Variants in ASIC2 observed in about 807,000 individuals in gnomAD.
The protein encoded by ASIC2 is acid-sensing ion channel 2.
A neutral mutation model predicts 57.3 loss-of-function variants in ASIC2; 25 were observed. That is an observed-to-expected ratio of 0.44 (90% CI 0.32 to 0.61). The LOEUF (loss-of-function observed/expected upper bound fraction) is 0.61, where lower values mean the gene tolerates loss of function less well. Among genes scored for constraint, ASIC2 ranks in the 20% least tolerant of loss-of-function variants. The probability of loss-of-function intolerance (pLI) is 0.06; values close to 1 mark genes in which losing one functional copy is unlikely to be tolerated. For missense variants in ASIC2, 641 were observed against 738.1 expected (o/e 0.87, Z 1.52); for synonymous variants, 319 against 307.5 (o/e 1.04, Z -0.39).
At chr17:33,078,198 G>A (rs973964277) in intron 3 of ASIC2, among the ~76,000 whole-genome samples, 3 of 152,052 alleles carry the variant, frequency 2.0e-5, no homozygotes, top group Non-Finnish European at 4.4e-5. Flanking sequence ...ATAAGCCACC[G>A]AGAGATAAGC....
At chr17:33,853,018 C>A (rs895800898) in intron 1 of ASIC2, among the ~76,000 whole-genome samples, 1 of 152,234 alleles carries the variant, frequency 6.6e-6, no homozygotes, top group Admixed American at 6.5e-5. Flanking sequence ...AAAAAGCTAT[C>A]AGCCTTTCCT....
chr17:33,623,933 C>G (rs567562462), intron 1 of ASIC2, among the ~76,000 whole-genome samples: 1 of 152,276 alleles, frequency 6.6e-6, no homozygotes, highest in South Asian at 2.1e-4. Flanking sequence ...TGGTGTCAGA[C>G]GCAGACCTTC....
chr17:34,063,084 C>T (rs1049754456), intron 1 of ASIC2, among the ~76,000 whole-genome samples: 8 of 152,162 alleles, frequency 5.3e-5, no homozygotes, highest in East Asian at 3.9e-4. Context: ...AATTACAGAC[C>T]GATATCCTTG....
intron 1 of ASIC2, among the ~76,000 whole-genome samples, chr17:33,856,774 G>A (rs929497699): frequency 1.3e-5 from 2 of 152,138 alleles, no homozygotes; most frequent in Non-Finnish European, 2.9e-5. Context: ...AGTCCTAGAG[G>A]CCTGAGAGAC....
At chr17:33,798,013 G>A (rs953886052) in intron 1 of ASIC2, among the ~76,000 whole-genome samples, 6 of 152,338 alleles carry the variant, frequency 3.9e-5, no homozygotes, top group South Asian at 2.1e-4. Flanking sequence ...TGATGGCAGA[G>A]GTGGCAGCTG....
At chr17:33,102,308 C>A (rs769713724) in intron 2 of ASIC2, among the ~76,000 whole-genome samples, 16 of 152,216 alleles carry the variant, frequency 1.1e-4, no homozygotes, top group Non-Finnish European at 2.1e-4. Flanking sequence ...GCCATTGTCA[C>A]TTTGCTTTGG....
chr17:33,635,687 G>A (rs1376824100), intron 1 of ASIC2, among the ~76,000 whole-genome samples: 1 of 152,226 alleles, frequency 6.6e-6, no homozygotes, highest in Non-Finnish European at 1.5e-5. Context: ...TCTGTATAGA[G>A]AAGGCACCAG....
chr17:34,141,712 T>A (rs1231963748), intron 1 of ASIC2, among the ~76,000 whole-genome samples: 1 of 152,256 alleles, frequency 6.6e-6, no homozygotes, highest in East Asian at 1.9e-4. Flanking sequence ...TGGTAAATTC[T>A]TGCAGACATA....
chr17:33,167,262 C>A (rs896529403), intron 1 of ASIC2, among the ~76,000 whole-genome samples: 3 of 152,194 alleles, frequency 2.0e-5, no homozygotes, highest in African/African-American at 7.2e-5. Context: ...GGTGGCACCA[C>A]CCTCCCAAGT....
At chr17:33,210,598 A>G (rs1343708753) in intron 1 of ASIC2, among the ~76,000 whole-genome samples, 1 of 152,064 alleles carries the variant, frequency 6.6e-6, no homozygotes, top group Non-Finnish European at 1.5e-5. Context: ...CACCATCTCT[A>G]TTTGCATCGC....
chr17:33,222,021 A>G (rs1348067543), intron 1 of ASIC2, among the ~76,000 whole-genome samples: 1 of 152,160 alleles, frequency 6.6e-6, no homozygotes, highest in Non-Finnish European at 1.5e-5. Context: ...AAACTTAACT[A>G]TTCCCTAGGA....
chr17:33,572,916 G>A (rs1916497936), intron 1 of ASIC2, among the ~76,000 whole-genome samples: 1 of 152,202 alleles, frequency 6.6e-6, no homozygotes, highest in Non-Finnish European at 1.5e-5. Flanking sequence ...CACACTGCCT[G>A]TGACCTCATC....
chr17:33,526,358 A>G (rs900801592), intron 1 of ASIC2, among the ~76,000 whole-genome samples: 93 of 152,176 alleles, frequency 6.1e-4, no homozygotes, highest in Non-Finnish European at 2.4e-4. Flanking sequence ...AATTCTTACT[A>G]GTCATGTCTC....
intron 1 of ASIC2, among the ~76,000 whole-genome samples, chr17:33,176,019 A>G (rs1215806466): frequency 6.6e-6 from 1 of 152,160 alleles, no homozygotes; most frequent in East Asian, 1.9e-4. Context: ...ATCCCCACAA[A>G]GATGCCATAT....
At chr17:33,884,634 C>G (rs888504832) in intron 1 of ASIC2, among the ~76,000 whole-genome samples, 2 of 152,058 alleles carry the variant, frequency 1.3e-5, no homozygotes, top group Non-Finnish European at 2.9e-5. Context: ...TACACTACCC[C>G]CTTAGCTTCC....
chr17:33,327,675 C>T (rs1907131974), intron 1 of ASIC2, among the ~76,000 whole-genome samples: 1 of 152,102 alleles, frequency 6.6e-6, no homozygotes, highest in African/African-American at 2.4e-5. Context: ...CAAAGTCGTT[C>T]ATTAGAAAAG....
intron 1 of ASIC2, among the ~76,000 whole-genome samples, chr17:33,841,487 G>A (rs1040882344): frequency 1.3e-5 from 2 of 152,234 alleles, no homozygotes; most frequent in African/African-American, 4.8e-5. Context: ...ATTACAATGA[G>A]TGCACATCCC....
rs185480338 is a variant in ASIC2 at position 33,867,556 on chromosome 17, A to G, written c.555+288422T>C. On this transcript the variant is annotated intron_variant, in intron 1 of 9. Transcript: ENST00000359872. ...AAGACATTTTAACAAAAGGCAAAGC[A>G]AAAGTTCAATTAAGGAGGCTATGAG... 4.6e-5 allele frequency among the ~76,000 whole-genome samples: 7 copies of G among 152,344 alleles called. No homozygotes were observed. In the East Asian group the frequency reaches 1.2e-3, roughly 25 times the overall value.
At chr17:33,817,777 G>A (rs1169970013) in intron 1 of ASIC2, among the ~76,000 whole-genome samples, 1 of 152,092 alleles carries the variant, frequency 6.6e-6, no homozygotes, top group Admixed American at 6.5e-5. Context: ...TTTGGGCAGG[G>A]CTCAGCAGGG....
Sources: gnomAD v4.1 joint callset for allele counts (sites outside exome capture counted in the v4.1 genomes callset) on GRCh38, gnomAD v4.1.1 for gene constraint, MANE v1.5 for transcripts, NCBI Gene and HGNC (gene_info 2026-07-23, HGNC 2026-07-21) for gene names.